The following ROR1 variants were observed in gnomAD, a reference collection of about 807,000 sequenced individuals.
ROR1 encodes ROR family WNT receptor 1.
A neutral mutation model predicts 78.8 loss-of-function variants in ROR1; 19 were observed. That is an observed-to-expected ratio of 0.24 (90% CI 0.17 to 0.35). The LOEUF (loss-of-function observed/expected upper bound fraction) is 0.35. Among genes scored for constraint, ROR1 ranks in the 10% least tolerant of loss-of-function variants. The probability of loss-of-function intolerance (pLI) is 1.00; values close to 1 mark genes in which losing one functional copy is unlikely to be tolerated. For synonymous variants in ROR1, 386 were observed against 433.6 expected, an observed-to-expected ratio of 0.89 and a Z score of 1.36; for missense variants, 917 against 1,177.8, an observed-to-expected ratio of 0.78 and a Z score of 3.24.
At chr1:63,859,499 G>A (rs943709600) in intron 1 of ROR1, among the ~76,000 whole-genome samples, 1 of 152,206 alleles carries the variant, frequency 6.6e-6, no homozygotes, top group African/African-American at 2.4e-5. Context: ...ATAATTATTA[G>A]TTTATTTAAA....
intron 2 of ROR1, among the ~76,000 whole-genome samples, chr1:64,033,519 A>G (rs1312959857): frequency 6.6e-6 from 1 of 152,174 alleles, no homozygotes; most frequent in East Asian, 1.9e-4. Context: ...TAATCTTAGA[A>G]AAGAGACTAA....
chr1:63,902,447 A>AT (rs111687437), intron 1 of ROR1, among the ~76,000 whole-genome samples: 1,711 of 151,954 alleles, frequency 0.011, 37 homozygotes, highest in African/African-American at 0.039. Flanking sequence ...CCTCCTGAAT[A>AT]GTTGGGACCA....
chr1:64,126,464 A>G (rs1648717900), intron 4 of ROR1, among the ~76,000 whole-genome samples: 1 of 152,196 alleles, frequency 6.6e-6, no homozygotes, highest in African/African-American at 2.4e-5. Context: ...GGAGGTAGAG[A>G]GACCAGTTAG....
intron 1 of ROR1, among the ~76,000 whole-genome samples, chr1:64,005,544 C>A (rs562919880): frequency 2.6e-5 from 4 of 152,028 alleles, no homozygotes; most frequent in African/African-American, 9.7e-5. Flanking sequence ...AGTGGTGAGG[C>A]GAATAGGAAT....
rs1274700309 is a variant in ROR1, at chr1:64,113,587, AATG to A, written c.483-23780_483-23778del. 2.0e-5 allele frequency: 3 copies of A among 152,138 alleles called. No individual in the cohort carries two copies. The East Asian group carries it at 5.8e-4, about 29-fold the overall frequency. The allele number at this position is 152,138 out of a possible 1,614,324, so 9.4% of individuals were successfully genotyped here. A position where few individuals can be genotyped will look rare whatever the true frequency, so the allele number is the denominator to read the frequency against. Reference sequence around the variant, plus strand: ...CTTTCTCCCCCATGTACTCGGGAAAAATGAGGGAGAGAGACAAGAGAACTTTGG... The same window carrying A: ...CTTTCTCCCCCATGTACTCGGGAAAAAGGGAGAGAGACAAGAGAACTTTGG... On this transcript the variant is annotated intron_variant, in intron 4 of 8. Coordinates refer to ENST00000371079, the MANE Select transcript of ROR1 (RefSeq NM_005012.4).
At chr1:63,990,184 A>G (rs942040704) in intron 1 of ROR1, among the ~76,000 whole-genome samples, 3 of 152,262 alleles carry the variant, frequency 2.0e-5, no homozygotes, top group East Asian at 3.9e-4. Flanking sequence ...AATCACAAAA[A>G]CCACAGAGGG....
At chr1:64,031,079 G>C (rs1323151775) in intron 2 of ROR1, among the ~76,000 whole-genome samples, 2 of 152,092 alleles carry the variant, frequency 1.3e-5, no homozygotes, top group Admixed American at 6.6e-5. Flanking sequence ...TGTTTCCCAG[G>C]CTGGTCCTGA....
At chr1:64,027,054 A>C (rs1646617976) in intron 2 of ROR1, among the ~76,000 whole-genome samples, 1 of 152,194 alleles carries the variant, frequency 6.6e-6, no homozygotes, top group Non-Finnish European at 1.5e-5. Flanking sequence ...TGTTCCTTTG[A>C]ACTTTGGATA....
chr1:63,876,169 GC>G (rs1357894607), intron 1 of ROR1, among the ~76,000 whole-genome samples: 4 of 152,002 alleles, frequency 2.6e-5, no homozygotes, highest in Non-Finnish European at 5.9e-5. Flanking sequence ...CAAAATCTTT[GC>G]CTTGTTTTGA....
intron 2 of ROR1, 101 bp downstream of exon 2, chr1:64,009,477 G>A (rs1160481769): frequency 1.4e-5 from 12 of 865,588 alleles, no homozygotes; most frequent in Non-Finnish European, 2.3e-5. Context: ...TCAGATCACT[G>A]CAAGGAGGTG....
chr1:63,811,164 C>T (rs1644857730), intron 1 of ROR1, among the ~76,000 whole-genome samples: 1 of 152,178 alleles, frequency 6.6e-6, no homozygotes, highest in Admixed American at 6.5e-5. Context: ...ATGTTAAGTT[C>T]ATACTCATCT....
At chr1:64,173,238 A>G (rs1455915602) in intron 8 of ROR1, among the ~76,000 whole-genome samples, 1 of 152,160 alleles carries the variant, frequency 6.6e-6, no homozygotes, top group Non-Finnish European at 1.5e-5. Flanking sequence ...GCCTCTTTGC[A>G]AAGCAAACCC....
intron 4 of ROR1, chr1:64,106,650 G>A (rs1647824267): frequency 6.6e-6 from 1 of 152,016 alleles, no homozygotes; most frequent in South Asian, 2.1e-4. Flanking sequence ...CTAGTTTATT[G>A]AGTTTTTAAC....
intron 1 of ROR1, among the ~76,000 whole-genome samples, chr1:63,887,990 A>G (rs1037260612): frequency 2.0e-5 from 3 of 152,150 alleles, no homozygotes; most frequent in African/African-American, 7.2e-5. Context: ...AGGGGAAGTA[A>G]CTTGCTTAGG....
intron 1 of ROR1, among the ~76,000 whole-genome samples, chr1:63,829,744 C>T (rs1644975036): frequency 6.6e-6 from 1 of 152,084 alleles, no homozygotes; most frequent in Non-Finnish European, 1.5e-5. Flanking sequence ...CTTTGCAGGC[C>T]ATGCTGGGGA....
chr1:64,111,829 G>A (rs556755178), intron 4 of ROR1: 1 of 152,222 alleles, frequency 6.6e-6, no homozygotes, highest in Admixed American at 6.5e-5. Flanking sequence ...TTTCTCCCTT[G>A]TTCCTAAGTG....
chr1:63,846,214 G>A (rs1279277042), intron 1 of ROR1, among the ~76,000 whole-genome samples: 1 of 151,094 alleles, frequency 6.6e-6, no homozygotes, highest in African/African-American at 2.4e-5. Flanking sequence ...ACTCCTCATG[G>A]TGAGGAGGTG....
chr1:64,057,358 A>G (rs887603524), intron 4 of ROR1, among the ~76,000 whole-genome samples: 1 of 152,212 alleles, frequency 6.6e-6, no homozygotes, highest in African/African-American at 2.4e-5. Flanking sequence ...CTTGATTACT[A>G]TAGGTTTGTA....
rs547829607 is a variant in ROR1 at position 63,875,588 on chromosome 1, A to G, written c.91+101080A>G. ...GTATGCCATGTTTATAATCACTGCT[A>G]AATTAAAATAGTAAATATTTAAACT... On this transcript the variant is annotated intron_variant, in intron 1 of 8. Coordinates refer to ENST00000371079, the MANE Select transcript of ROR1 (RefSeq NM_005012.4). 2.0e-5 allele frequency among the ~76,000 whole-genome samples: 3 copies of G among 152,282 alleles called. No homozygotes were observed. In the East Asian group the frequency reaches 5.8e-4, roughly 29 times the overall value.
Sources: gnomAD v4.1 joint callset for allele counts (sites outside exome capture counted in the v4.1 genomes callset) on GRCh38, gnomAD v4.1.1 for gene constraint, MANE v1.5 for transcripts, NCBI Gene and HGNC (gene_info 2026-07-23, HGNC 2026-07-21) for gene names.